The following CALN1 variants were observed in gnomAD, a reference collection of about 807,000 sequenced individuals.
The protein encoded by CALN1 is calneuron 1.
A neutral mutation model predicts 30.6 loss-of-function variants in CALN1; 17 were observed. The ratio of observed to expected loss-of-function variants is 0.56; its 90% CI spans 0.38 to 0.83. The LOEUF (loss-of-function observed/expected upper bound fraction) is 0.83. Ranked by LOEUF, CALN1 falls within the 40% of genes least tolerant of loss-of-function variation. The pLI is 0.00. For synonymous variants in CALN1, 156 were observed against 131.4 expected (o/e 1.19, Z -1.28); for missense variants, 291 against 354.9 (o/e 0.82, Z 1.45).
At chr7:71,958,204 G>A (rs1031763144) in intron 5 of CALN1, among the ~76,000 whole-genome samples, 5 of 151,586 alleles carry the variant, frequency 3.3e-5, no homozygotes, top group African/African-American at 9.7e-5. Flanking sequence ...TCTTAATAGC[G>A]TACATTGTAC....
At chr7:71,961,181 T>C (rs1797230875) in intron 5 of CALN1, among the ~76,000 whole-genome samples, 1 of 152,266 alleles carries the variant, frequency 6.6e-6, no homozygotes, top group African/African-American at 2.4e-5. Flanking sequence ...CCAATTAGTC[T>C]ATACCTATAA....
At chr7:71,919,158 C>A (rs1368319271) in intron 5 of CALN1, among the ~76,000 whole-genome samples, 1 of 152,208 alleles carries the variant, frequency 6.6e-6, no homozygotes, top group Non-Finnish European at 1.5e-5. Flanking sequence ...TGCCACGCTT[C>A]TTAACAGGCA....
Position 72,301,658 on chromosome 7 carries a change from T to G in CALN1, c.120-22848A>C, listed in dbSNP as rs533983797. On this transcript the variant is annotated intron_variant, in intron 2 of 6. Transcript: ENST00000395275. ...AGCAGTGATCTGCCTGAGGAGTAGA[T>G]CTGACGTTGATCTCCCAGAGTAAGG... Among the ~76,000 whole-genome samples, 13 of 145,922 alleles carry G rather than the reference T, an allele frequency of 8.9e-5. No homozygotes were observed. The South Asian group carries it at 2.4e-3, about 27-fold the overall frequency.
chr7:71,828,097 T>C (rs148294199), intron 5 of CALN1, among the ~76,000 whole-genome samples: 254 of 152,238 alleles, frequency 1.7e-3, no homozygotes, highest in Admixed American at 3.3e-3. Flanking sequence ...GGTAAAATTA[T>C]AGGTATGGTT....
chr7:72,496,110 C>A, the CALN1 span, among the ~76,000 whole-genome samples: 64 of 152,078 alleles, frequency 4.2e-4, no homozygotes, highest in Non-Finnish European at 7.1e-4. Flanking sequence ...TTATTAGAAA[C>A]GGGTTTTTGC....
chr7:71,806,199 A>C (rs1439248336), intron 6 of CALN1, among the ~76,000 whole-genome samples: 2 of 147,328 alleles, frequency 1.4e-5, no homozygotes, highest in African/African-American at 5.2e-5. Flanking sequence ...GTACCCCAAA[A>C]CTTAAAAAGT....
chr7:72,216,732 C>CA (rs534841438), intron 3 of CALN1, among the ~76,000 whole-genome samples: 1 of 152,138 alleles, frequency 6.6e-6, no homozygotes, highest in Non-Finnish European at 1.5e-5. Flanking sequence ...GCTCTTTCTC[C>CA]AAAAGAGACA....
At chr7:71,931,366 A>G (rs542035875) in intron 5 of CALN1, among the ~76,000 whole-genome samples, 19 of 152,104 alleles carry the variant, frequency 1.2e-4, no homozygotes, top group Non-Finnish European at 2.2e-4. Context: ...CCTGGCTTCA[A>G]GTGATTCTCT....
intron 2 of CALN1, among the ~76,000 whole-genome samples, chr7:72,284,363 G>C (rs1487116726): frequency 6.6e-6 from 1 of 152,184 alleles, no homozygotes; most frequent in Non-Finnish European, 1.5e-5. Flanking sequence ...GCCCTTTTGT[G>C]ATGGTCAGTT....
chr7:72,417,124 C>A (rs1008622407), upstream of CALN1, among the ~76,000 whole-genome samples: 1 of 152,192 alleles, frequency 6.6e-6, no homozygotes, highest in African/African-American at 2.4e-5. Context: ...CGGTCCCAGC[C>A]GTGATCTGGA....
At chr7:71,941,144 C>A (rs1796108326) in intron 5 of CALN1, among the ~76,000 whole-genome samples, 1 of 151,970 alleles carries the variant, frequency 6.6e-6, no homozygotes, top group African/African-American at 2.4e-5. Context: ...GTCAAGAGCT[C>A]AAAACCAGCC....
intron 3 of CALN1, among the ~76,000 whole-genome samples, chr7:72,125,579 G>C (rs907981250): frequency 3.3e-5 from 5 of 152,128 alleles, no homozygotes; most frequent in African/African-American, 1.2e-4. Context: ...AGAATTATAG[G>C]ATGGACTAAG....
chr7:72,204,859 A>G (rs1026057830), intron 3 of CALN1, among the ~76,000 whole-genome samples: 1 of 152,204 alleles, frequency 6.6e-6, no homozygotes, highest in Admixed American at 6.5e-5. Flanking sequence ...TAAAATTCTT[A>G]AAAATGAAAT....
At chr7:72,135,169 C>T (rs1332362456) in intron 3 of CALN1, among the ~76,000 whole-genome samples, 1 of 152,210 alleles carries the variant, frequency 6.6e-6, no homozygotes, top group Admixed American at 6.5e-5. Context: ...AACCCCTCAA[C>T]ATCATCCATG....
At chr7:72,078,257 T>C (rs576218568) in intron 4 of CALN1, among the ~76,000 whole-genome samples, 31 of 152,196 alleles carry the variant, frequency 2.0e-4, no homozygotes, top group Admixed American at 1.2e-3. Flanking sequence ...TGGTTTACTC[T>C]GCAGCTACCC....
intron 5 of CALN1, among the ~76,000 whole-genome samples, chr7:71,936,736 C>T (rs183716042): frequency 6.6e-6 from 1 of 152,260 alleles, no homozygotes; most frequent in Non-Finnish European, 1.5e-5. Flanking sequence ...TATGGTCTGG[C>T]TCTGTGTCCC....
chr7:71,868,347 G>A (rs935898937), intron 5 of CALN1, among the ~76,000 whole-genome samples: 1 of 151,596 alleles, frequency 6.6e-6, no homozygotes, highest in Non-Finnish European at 1.5e-5. Context: ...CAGGAACAGC[G>A]AGAGGGGAGG....
intron 1 of CALN1, among the ~76,000 whole-genome samples, chr7:72,431,506 C>T (rs1807978218): frequency 6.6e-6 from 1 of 152,088 alleles, no homozygotes; most frequent in African/African-American, 2.4e-5. Flanking sequence ...TAGAGAATGA[C>T]TTGGAGGGAA....
chr7:71,846,969 C>CAT (rs1306440211), intron 5 of CALN1, among the ~76,000 whole-genome samples: 2 of 146,062 alleles, frequency 1.4e-5, no homozygotes, highest in African/African-American at 5.0e-5. Flanking sequence ...TATATACACA[C>CAT]ATATATACAC....
Sources: allele counts gnomAD v4.1 joint callset (sites outside exome capture counted in the v4.1 genomes callset), GRCh38; gene constraint gnomAD v4.1.1; transcripts MANE v1.5; gene names NCBI Gene and HGNC (gene_info 2026-07-23, HGNC 2026-07-21).